Variants in PTPRO observed in about 807,000 individuals in gnomAD.
PTPRO encodes the protein protein tyrosine phosphatase receptor type O, also known as receptor-type tyrosine-protein phosphatase O.
A neutral mutation model predicts 145.2 loss-of-function variants in PTPRO; 62 were observed. The ratio of observed to expected loss-of-function variants is 0.43; its 90% confidence interval spans 0.35 to 0.53. The LOEUF (loss-of-function observed/expected upper bound fraction) is 0.53. PTPRO is among the 20% of genes least tolerant of loss of function. The pLI is 0.01. For missense variants in PTPRO, 1,345 were observed against 1,482.7 expected (o/e 0.91, Z 1.53); for synonymous variants, 565 against 514.7 (o/e 1.10, Z -1.32).
Position 15,597,143 on chromosome 12 carries a change from T to C in PTPRO, c.*1070T>C, listed in dbSNP as rs993796844. The C allele has an allele frequency of 6.6e-6, 1 of 152,398 alleles. No individual in the cohort carries two copies. Among genetic ancestry groups the C allele is most frequent in the Admixed American group, 6.5e-5 (1 of 15,288 alleles). The allele number at this position is 152,398 out of a possible 1,614,324, so 9.4% of individuals were successfully genotyped here. On this transcript the variant is annotated 3_prime_UTR_variant, in exon 27 of 27. Coordinates refer to ENST00000281171, the MANE Select transcript of PTPRO (RefSeq NM_030667.3). The stretch of plus-strand genomic sequence containing the variant: ...GGATTCTGACAGAGATTTCTTTTTG[T>C]TTTGTTATTCTTTTGGTTGTCAGTT...
chr12:15,491,228 TGCCA>T (rs1941993297), intron 2 of PTPRO, among the ~76,000 whole-genome samples: 1 of 152,190 alleles, frequency 6.6e-6, no homozygotes, highest in African/African-American at 2.4e-5. Context: ...AAGAGAACTG[TGCCA>T]GAAGAGACAC....
chr12:15,336,622 T>TA (rs893297127), intron 1 of PTPRO, among the ~76,000 whole-genome samples: 45 of 151,428 alleles, frequency 3.0e-4, no homozygotes, highest in East Asian at 9.7e-4. Context: ...GCATGCTGGT[T>TA]AAAAAAAAAG....
chr12:15,352,810 T>C (rs984072031), intron 1 of PTPRO, among the ~76,000 whole-genome samples: 1 of 152,122 alleles, frequency 6.6e-6, no homozygotes, highest in Non-Finnish European at 1.5e-5. Context: ...ATTGGAAGAA[T>C]AGCTTACATA....
intron 10 of PTPRO, 46 bp downstream of exon 10, chr12:15,520,358 G>T (rs914981316): frequency 7.0e-7 from 1 of 1,426,818 alleles, no homozygotes; most frequent in Admixed American, 1.7e-5. Context: ...GAGCATTATT[G>T]TGAGGAGTTA....
chr12:15,326,764 T>C (rs1306350103), intron 1 of PTPRO, among the ~76,000 whole-genome samples: 1 of 152,168 alleles, frequency 6.6e-6, no homozygotes, highest in Non-Finnish European at 1.5e-5. Flanking sequence ...ATAGAAGGCT[T>C]AACAACAATG....
At chr12:15,519,879 A>G (rs1007103487) in intron 9 of PTPRO, among the ~76,000 whole-genome samples, 9 of 152,344 alleles carry the variant, frequency 5.9e-5, no homozygotes, top group Non-Finnish European at 1.2e-4. Context: ...TCTTAGAAAT[A>G]GGGAGAAATG....
At chr12:15,390,472 G>A (rs935688660) in intron 1 of PTPRO, among the ~76,000 whole-genome samples, 1 of 152,092 alleles carries the variant, frequency 6.6e-6, no homozygotes, top group African/African-American at 2.4e-5. Context: ...CAGATCTCAT[G>A]AGGCTTATTC....
chr12:15,387,558 A>G (rs1451979669), intron 1 of PTPRO, among the ~76,000 whole-genome samples: 1 of 152,198 alleles, frequency 6.6e-6, no homozygotes, highest in Non-Finnish European at 1.5e-5. Context: ...TGTCTTCAGC[A>G]GCATTTAATG....
chr12:15,344,804 T>C (rs1040102774), intron 1 of PTPRO, among the ~76,000 whole-genome samples: 3 of 152,172 alleles, frequency 2.0e-5, no homozygotes, highest in Non-Finnish European at 2.9e-5. Flanking sequence ...CATCCCTCCA[T>C]GATAAATCCT....
At chr12:15,432,057 T>G (rs1270357112) in intron 1 of PTPRO, among the ~76,000 whole-genome samples, 1 of 152,146 alleles carries the variant, frequency 6.6e-6, no homozygotes, top group Non-Finnish European at 1.5e-5. Context: ...ATAAATACAC[T>G]CATGTCATGG....
At chr12:15,440,256 C>T in intron 1 of PTPRO, 3 of 621,692 alleles carry the variant, frequency 4.8e-6, no homozygotes, top group South Asian at 3.5e-5. Context: ...GATGCCATCT[C>T]TAAGACCTAC....
In PTPRO at chr12:15,322,680, G is replaced by T; in HGVS notation, c.-47G>T. Reference sequence around the variant, plus strand: ...TTCGCCATTGTGAGCCGCCGCCGGGGGAGTCCGCTAGCGCAGCCGTGCCCC... The same window carrying T: ...TTCGCCATTGTGAGCCGCCGCCGGGTGAGTCCGCTAGCGCAGCCGTGCCCC... On this transcript the variant is annotated 5_prime_UTR_variant, in exon 1 of 27. Transcript: ENST00000281171. The surrounding 1 kb of genome is among the most constrained non-coding windows in gnomAD (Gnocchi z 6.3). 1 of 1,537,466 alleles carries T rather than the reference G, an allele frequency of 6.5e-7. No individual in the cohort carries two copies. Among genetic ancestry groups the T allele is most frequent in the Non-Finnish European group, 8.9e-7 (1 of 1,123,974 alleles).
At chr12:15,538,983 G>A (rs1943123116) in intron 12 of PTPRO, among the ~76,000 whole-genome samples, 1 of 152,138 alleles carries the variant, frequency 6.6e-6, no homozygotes, top group Admixed American at 6.5e-5. Flanking sequence ...CCTGAGTTCA[G>A]AATAAAAGCA....
intron 4 of PTPRO, 72 bp downstream of exon 4, chr12:15,499,666 T>G: frequency 6.7e-7 from 1 of 1,486,492 alleles, no homozygotes; most frequent in Non-Finnish European, 9.4e-7. Context: ...TTATTTTTTA[T>G]CCTAAGAAAT....
chr12:15,495,317 A>G (rs550289432), intron 2 of PTPRO, among the ~76,000 whole-genome samples: 1 of 150,856 alleles, frequency 6.6e-6, no homozygotes, highest in East Asian at 1.9e-4. Flanking sequence ...GGGTTTCTTA[A>G]AGTCAAAAAC....
At chr12:15,560,156 T>C (rs770173574) in intron 16 of PTPRO, 37 bp from the exon 17 acceptor site, 1 of 1,477,892 alleles carries the variant, frequency 6.8e-7, no homozygotes, top group Non-Finnish European at 9.5e-7. Flanking sequence ...CTTGCAACTT[T>C]TTCATCTTTC....
At chr12:15,469,941 C>A (rs949807901) in intron 1 of PTPRO, among the ~76,000 whole-genome samples, 2 of 152,018 alleles carry the variant, frequency 1.3e-5, no homozygotes, top group South Asian at 4.2e-4. Context: ...GTCCCTACCC[C>A]CTAAAAAACT....
chr12:15,517,072 G>T, intron 9 of PTPRO, 116 bp downstream of exon 9: 1 of 1,002,770 alleles, frequency 1.0e-6, no homozygotes. Flanking sequence ...AATACACATA[G>T]TGTGTTAGTT....
chr12:15,528,454 G>A (rs1942889970), intron 12 of PTPRO, among the ~76,000 whole-genome samples: 1 of 151,002 alleles, frequency 6.6e-6, no homozygotes, highest in Non-Finnish European at 1.5e-5. Flanking sequence ...GAACTCAGGA[G>A]GTGGAGCTTG....
Sources: gnomAD v4.1 joint callset for allele counts (sites outside exome capture counted in the v4.1 genomes callset) on GRCh38, gnomAD v4.1.1 for gene constraint, Gnocchi (gnomAD v3.1) non-coding constraint, MANE v1.5 for transcripts, NCBI Gene and HGNC (gene_info 2026-07-23, HGNC 2026-07-21) for gene names.